Variants in RELCH observed in about 807,000 individuals in gnomAD.
RELCH encodes RAB11-binding protein RELCH.
In RELCH, 41 loss-of-function variants were observed where a neutral mutation model predicts 150.3. The observed-to-expected ratio is 0.27, with a 90% CI of 0.21 to 0.35. RELCH has a LOEUF of 0.35. Ranked by LOEUF, RELCH falls within the 10% of genes least tolerant of loss-of-function variation. The pLI, the probability that RELCH is intolerant of heterozygous loss-of-function variation, is 1.00. For synonymous variants in RELCH, 478 were observed against 531.8 expected (o/e 0.90, Z 1.39); for missense variants, 1,092 against 1,467.8 (o/e 0.74, Z 4.18).
intron 1 of RELCH, among the ~76,000 whole-genome samples, chr18:62,206,256 G>A (rs916226936): frequency 6.6e-6 from 1 of 152,154 alleles, no homozygotes; most frequent in African/African-American, 2.4e-5. Flanking sequence ...CACCATGTTG[G>A]CCAGGCTTGT....
At chr18:62,252,141 G>A (rs1423676069) in intron 11 of RELCH, among the ~76,000 whole-genome samples, 2 of 151,278 alleles carry the variant, frequency 1.3e-5, no homozygotes, top group Admixed American at 6.6e-5. Context: ...GACTACAGTC[G>A]GGTGCCACCA....
Position 62,221,248 on chromosome 18 carries a change from A to C in RELCH, c.718A>C (p.Asn240His). 1 of 1,611,698 alleles carries C rather than the reference A, an allele frequency of 6.2e-7. No individual in the cohort carries two copies. The highest frequency in any genetic ancestry group is 8.5e-7 in the Non-Finnish European group (1 of 1,178,276). Residue 240 changes from asparagine (N) to histidine (H), a missense_variant, in exon 4 of 29, where the codon AAT becomes CAT. Asn to His is a moderately conservative substitution (Grantham distance 68). Coordinates refer to ENST00000644646, the MANE Select transcript of RELCH (RefSeq NM_001346231.2). ...EHEVPLQERK[N>H]YKSSPEIQEP... ...TGAAGTTCCTTTACAGGAACGAAAA[A>C]ATTACAAATCAAGTCCTGAAATTCA...
At chr18:62,226,503 A>G (rs1360225336) in intron 5 of RELCH, among the ~76,000 whole-genome samples, 1 of 152,132 alleles carries the variant, frequency 6.6e-6, no homozygotes, top group African/African-American at 2.4e-5. Flanking sequence ...GATTACACTA[A>G]TATGTATTAA....
chr18:62,280,255 C>G, intron 23 of RELCH: 1 of 884,254 alleles, frequency 1.1e-6, no homozygotes. Flanking sequence ...GATGACTAAA[C>G]CAAGAAAGGC....
intron 27 of RELCH, among the ~76,000 whole-genome samples, chr18:62,294,890 T>C (rs2045328928): frequency 6.6e-6 from 1 of 152,220 alleles, no homozygotes; most frequent in Non-Finnish European, 1.5e-5. Context: ...TTTGCACTGA[T>C]TGGCAATGCT....
chr18:62,227,279 T>TA lies in RELCH; in HGVS notation c.859-9dup, dbSNP rs746803345. ...TCGAAGATTTTTTATGTTTTTTTTT[T>TA]ATCTTTTAGGATTTTGAATTATGGG... On this transcript the variant is annotated splice_polypyrimidine_tract_variant and intron_variant, in intron 5 of 28. Coordinates refer to ENST00000644646, the MANE Select transcript of RELCH (RefSeq NM_001346231.2). 5.0e-5 allele frequency: 75 copies of TA among 1,511,076 alleles called. No homozygotes were observed. The highest frequency in any genetic ancestry group is 6.4e-5 in the Non-Finnish European group (71 of 1,113,006). 93.6% of individuals were successfully genotyped at this position (1,511,076 alleles called of 1,614,324 possible). A position where few individuals can be genotyped will look rare whatever the true frequency, so the allele number is the denominator to read the frequency against.
intron 23 of RELCH, 157 bp from the exon 24 acceptor site, chr18:62,280,489 G>A (rs377711990): frequency 1.9e-6 from 3 of 1,548,664 alleles, no homozygotes; most frequent in African/African-American, 1.4e-5. Flanking sequence ...CTGTCTTTTT[G>A]AGCATTCTTC....
chr18:62,214,266 A>G (rs1471395635), intron 2 of RELCH, among the ~76,000 whole-genome samples: 1 of 152,176 alleles, frequency 6.6e-6, no homozygotes, highest in Non-Finnish European at 1.5e-5. Context: ...ATTGAACCAA[A>G]TGTGTGTGTA....
At chr18:62,247,881 A>G (rs1458095340) in intron 11 of RELCH, among the ~76,000 whole-genome samples, 1 of 152,132 alleles carries the variant, frequency 6.6e-6, no homozygotes, top group Non-Finnish European at 1.5e-5. Context: ...CACGGTATTC[A>G]CTGGCCATTT....
In RELCH at chr18:62,223,620, G is replaced by T. The variant is rs115745404; in HGVS notation, c.858+2123G>T. ...GATATCAAAACCAGACAAAGACACTGCAAACAAATAAAATTACAGGCTCAT... is the reference window on the plus strand; with the variant it reads ...GATATCAAAACCAGACAAAGACACTTCAAACAAATAAAATTACAGGCTCAT... On this transcript the variant is annotated intron_variant, in intron 5 of 28. Coordinates refer to ENST00000644646, the MANE Select transcript of RELCH (RefSeq NM_001346231.2). 7.1e-3 allele frequency among the ~76,000 whole-genome samples: 1,080 copies of T among 152,082 alleles called. 14 individuals are homozygous for T. Among genetic ancestry groups the T allele is most frequent in the African/African-American group, 0.025 (1,032 of 41,532 alleles).
rs1224348598 is a variant in RELCH, at chr18:62,210,013, TGA to T, written c.527-1136_527-1135del. Among the ~76,000 whole-genome samples, 11 of 152,322 alleles carry T rather than the reference TGA, an allele frequency of 7.2e-5. 1 individual carries two copies. In the South Asian group the frequency reaches 2.1e-3, roughly 29 times the overall value. ...CGTCTAATGTTTTTCAGTGGATTCC[TGA>T]GAGTTTCTTATATATAACATCATGT... On this transcript the variant is annotated intron_variant, in intron 1 of 28. Transcript: ENST00000644646.
chr18:62,245,140 C>T (rs1172740007), intron 11 of RELCH, among the ~76,000 whole-genome samples: 4 of 151,302 alleles, frequency 2.6e-5, no homozygotes, highest in African/African-American at 4.9e-5. Context: ...TTTACTGCAA[C>T]AAAAAAAACA....
intron 1 of RELCH, among the ~76,000 whole-genome samples, chr18:62,199,648 A>G (rs564935678): frequency 6.6e-6 from 1 of 152,352 alleles, no homozygotes; most frequent in Non-Finnish European, 1.5e-5. Flanking sequence ...TCTGAGCAAG[A>G]TTCCATCAAA....
chr18:62,237,696 A>C (rs1284425703), intron 10 of RELCH, among the ~76,000 whole-genome samples: 1 of 151,770 alleles, frequency 6.6e-6, no homozygotes, highest in Non-Finnish European at 1.5e-5. Flanking sequence ...AAAGACAAGC[A>C]ATACCAAACA....
intron 5 of RELCH, among the ~76,000 whole-genome samples, chr18:62,224,570 T>C (rs1228867757): frequency 6.6e-6 from 1 of 151,944 alleles, no homozygotes; most frequent in African/African-American, 2.4e-5. Flanking sequence ...TTTAGCAAGG[T>C]TGTAGGAAAC....
At chr18:62,266,804 A>G in intron 19 of RELCH, 55 bp downstream of exon 19, 1 of 1,032,214 alleles carries the variant, frequency 9.7e-7, no homozygotes, top group Non-Finnish European at 1.5e-6. Context: ...ATGCAGGAAA[A>G]ATACTATATT....
chr18:62,188,014 C>A lies in RELCH; in HGVS notation c.509C>A (p.Ser170Ter). 1 of 1,580,124 alleles carries A rather than the reference C, an allele frequency of 6.3e-7. No individual in the cohort carries two copies. The highest frequency in any genetic ancestry group is 1.2e-5 in the South Asian group (1 of 85,218). Residue 170 changes from serine to a stop codon, truncating the protein, a stop_gained, in exon 1 of 29, where the codon TCG becomes TAG. Coordinates refer to ENST00000644646, the MANE Select transcript of RELCH (RefSeq NM_001346231.2). LOFTEE classifies it high-confidence loss of function. Reference protein sequence around the residue: ...GAGGREPSTASGGGQLNRAGS... With the variant: ...GAGGREPSTA ...GGAGGTCGGGAACCGAGTACAGCGT[C>A]GGGCGGGGGACAGCTCAGTAAGTGG...
intron 27 of RELCH, among the ~76,000 whole-genome samples, chr18:62,291,840 T>C (rs1160901559): frequency 1.3e-5 from 2 of 152,212 alleles, no homozygotes; most frequent in Non-Finnish European, 2.9e-5. Context: ...GTAGGGATAA[T>C]ACACTCTCCT....
Position 62,309,553 on chromosome 18 carries a change from A to C in RELCH, c.*4019A>C, listed in dbSNP as rs988053813. ...CCACACCAATCATAAAGTACATAAC[A>C]GTTAATATAAACTTAATATTGCATC... On this transcript the variant is annotated 3_prime_UTR_variant, in exon 29 of 29. Coordinates refer to ENST00000644646, the MANE Select transcript of RELCH (RefSeq NM_001346231.2). 1.3e-5 allele frequency: 2 copies of C among 152,198 alleles called. No individual in the cohort carries two copies. The highest frequency in any genetic ancestry group is 1.3e-4 in the Admixed American group (2 of 15,282). The allele number at this position is 152,198 out of a possible 1,614,324, so 9.4% of individuals were successfully genotyped here. A position where few individuals can be genotyped will look rare whatever the true frequency, so the allele number is the denominator to read the frequency against.
Sources: gnomAD v4.1 joint callset for allele counts (sites outside exome capture counted in the v4.1 genomes callset) on GRCh38, gnomAD v4.1.1 for gene constraint, MANE v1.5 for transcripts, NCBI Gene and HGNC (gene_info 2026-07-23, HGNC 2026-07-21) for gene names.